The following XPR1 variants were observed in gnomAD, a reference collection of about 807,000 sequenced individuals.
The protein encoded by XPR1 is solute carrier family 53 member 1.
In XPR1, 28 loss-of-function variants were observed where a neutral mutation model predicts 87.5. That is an observed-to-expected ratio of 0.32 (90% CI 0.24 to 0.44). XPR1 has a LOEUF of 0.44. Ranked by LOEUF, XPR1 falls within the 20% of genes least tolerant of loss-of-function variation. The pLI, the probability that XPR1 is intolerant of heterozygous loss-of-function variation, is 1.00. For missense variants in XPR1, 559 were observed against 862.3 expected (o/e 0.65, Z 4.41); for synonymous variants, 300 against 306.1 (o/e 0.98, Z 0.21).
chr1:180,795,603 C>T (rs1460237448), intron 3 of XPR1, among the ~76,000 whole-genome samples: 1 of 152,064 alleles, frequency 6.6e-6, no homozygotes, highest in Admixed American at 6.6e-5. Context: ...AACCTGACTA[C>T]TTAATAAATA....
At chr1:180,827,446 C>G (rs1209240003) in intron 9 of XPR1, among the ~76,000 whole-genome samples, 1 of 152,126 alleles carries the variant, frequency 6.6e-6, no homozygotes, top group Non-Finnish European at 1.5e-5. Context: ...AGCTGTGATT[C>G]ATGCATGACT....
At chr1:180,656,335 A>AT (rs1655466445) in intron 1 of XPR1, among the ~76,000 whole-genome samples, 1 of 110,528 alleles carries the variant, frequency 9.0e-6, no homozygotes, top group African/African-American at 3.7e-5. Context: ...TTATATATAT[A>AT]ATATTTATAT....
At chr1:180,754,386 T>C (rs768735824) in intron 2 of XPR1, among the ~76,000 whole-genome samples, 7 of 152,200 alleles carry the variant, frequency 4.6e-5, no homozygotes, top group Non-Finnish European at 8.8e-5. Context: ...ATTTATAGTA[T>C]AGAAAAATAT....
intron 2 of XPR1, among the ~76,000 whole-genome samples, chr1:180,779,887 G>A (rs1040463122): frequency 6.6e-6 from 1 of 151,678 alleles, no homozygotes; most frequent in Non-Finnish European, 1.5e-5. Context: ...CTATGGATTT[G>A]CATATTCTGG....
chr1:180,719,687 G>T (rs1028208698), intron 2 of XPR1, among the ~76,000 whole-genome samples: 1 of 152,156 alleles, frequency 6.6e-6, no homozygotes, highest in Admixed American at 6.5e-5. Context: ...ATCAAATCAG[G>T]ATAGTTGGGT....
chr1:180,872,548 G>A (rs574412712), intron 12 of XPR1, among the ~76,000 whole-genome samples: 14 of 77,554 alleles, frequency 1.8e-4, no homozygotes, highest in Admixed American at 1.8e-3. Flanking sequence ...GGTCTGAAAA[G>A]CGCAATATTC....
chr1:180,734,195 G>A (rs1658652020), intron 2 of XPR1, among the ~76,000 whole-genome samples: 2 of 152,162 alleles, frequency 1.3e-5, no homozygotes, highest in African/African-American at 4.8e-5. Context: ...AAAACACCGG[G>A]GGTTCAGTTT....
At chr1:180,666,569 T>C (rs1468164722) in intron 1 of XPR1, among the ~76,000 whole-genome samples, 1 of 152,214 alleles carries the variant, frequency 6.6e-6, no homozygotes, top group African/African-American at 2.4e-5. Context: ...TTGCTGTCAT[T>C]TTCAGATTGT....
chr1:180,739,751 T>G (rs549782333), intron 2 of XPR1, among the ~76,000 whole-genome samples: 2 of 152,318 alleles, frequency 1.3e-5, no homozygotes, highest in African/African-American at 4.8e-5. Flanking sequence ...ATGATTGATT[T>G]TTTTTTCCAG....
chr1:180,646,961 T>C (rs1655140109), intron 1 of XPR1, among the ~76,000 whole-genome samples: 1 of 152,206 alleles, frequency 6.6e-6, no homozygotes, highest in Non-Finnish European at 1.5e-5. Flanking sequence ...GATAAGAGTT[T>C]GTAAGCAATT....
At chr1:180,762,385 A>T (rs886182758) in intron 2 of XPR1, among the ~76,000 whole-genome samples, 9 of 152,352 alleles carry the variant, frequency 5.9e-5, no homozygotes, top group Non-Finnish European at 1.3e-4. Flanking sequence ...GGTGAACGTT[A>T]TGAACAGAAG....
intron 11 of XPR1, among the ~76,000 whole-genome samples, chr1:180,849,146 C>T (rs1469945378): frequency 6.6e-6 from 1 of 152,022 alleles, no homozygotes; most frequent in Non-Finnish European, 1.5e-5. Flanking sequence ...TTCTAAGGCC[C>T]CTTTAGCTCT....
rs374682675 is a variant in XPR1 at position 180,649,316 on chromosome 1, C to T, written c.69+17046C>T. ...GCATGGTGGCGGGCGCCTGTAGTCC[C>T]AGCTACTCGGGAGGCTGAGGCACGA... On this transcript the variant is annotated intron_variant, in intron 1 of 14. Transcript: ENST00000367590. Among the ~76,000 whole-genome samples, 14 of 152,064 alleles carry T rather than the reference C, an allele frequency of 9.2e-5. No individual in the cohort carries two copies. In the East Asian group the frequency reaches 1.4e-3, roughly 15 times the overall value.
At chr1:180,813,896 G>A (rs1161967071) in intron 7 of XPR1, among the ~76,000 whole-genome samples, 1 of 152,086 alleles carries the variant, frequency 6.6e-6, no homozygotes, top group Non-Finnish European at 1.5e-5. Flanking sequence ...CAACCTGTAT[G>A]ATTTAAAAAT....
At chr1:180,754,708 T>C (rs542190489) in intron 2 of XPR1, among the ~76,000 whole-genome samples, 1 of 152,274 alleles carries the variant, frequency 6.6e-6, no homozygotes, top group South Asian at 2.1e-4. Context: ...GCAATCTGCC[T>C]GCCTCAGCCT....
At chr1:180,850,667 T>C (rs554226215) in intron 11 of XPR1, among the ~76,000 whole-genome samples, 1 of 152,310 alleles carries the variant, frequency 6.6e-6, no homozygotes, top group Non-Finnish European at 1.5e-5. Flanking sequence ...GTAAAATGTA[T>C]AGAATCCTGG....
intron 11 of XPR1, among the ~76,000 whole-genome samples, chr1:180,844,151 C>T (rs1477550598): frequency 1.3e-5 from 2 of 152,072 alleles, no homozygotes; most frequent in Non-Finnish European, 2.9e-5. Context: ...GCGGAGGTTG[C>T]AGTGAGCCGA....
chr1:180,689,815 G>C (rs1656919918), intron 2 of XPR1, among the ~76,000 whole-genome samples: 2 of 152,164 alleles, frequency 1.3e-5, no homozygotes, highest in African/African-American at 4.8e-5. Flanking sequence ...GGAACTCTCT[G>C]TACTATCTTT....
intron 2 of XPR1, among the ~76,000 whole-genome samples, chr1:180,698,961 A>G (rs1657259423): frequency 6.6e-6 from 1 of 152,064 alleles, no homozygotes; most frequent in Admixed American, 6.6e-5. Flanking sequence ...TTGACTTTTG[A>G]TAGTTTGACT....
Sources: allele counts gnomAD v4.1 joint callset (sites outside exome capture counted in the v4.1 genomes callset), GRCh38; gene constraint gnomAD v4.1.1; transcripts MANE v1.5; gene names NCBI Gene and HGNC (gene_info 2026-07-23, HGNC 2026-07-21).